The following FAT4 variants were observed in gnomAD, a reference collection of about 807,000 sequenced individuals.
FAT4 encodes the protein FAT atypical cadherin 4.
FAT4 carries 84 observed loss-of-function variants against 303.9 expected under a neutral mutation model. The ratio of observed to expected loss-of-function variants is 0.28; its 90% CI spans 0.23 to 0.33. FAT4 has a LOEUF of 0.33. Among genes scored for constraint, FAT4 ranks in the 10% least tolerant of loss-of-function variants. FAT4 has a pLI of 1.00. For synonymous variants in FAT4, 2,307 were observed against 2,298.8 expected, an observed-to-expected ratio of 1.00 and a Z score of -0.10; for missense variants, 6,005 against 6,146.8, an observed-to-expected ratio of 0.98 and a Z score of 0.77.
chr4:125,370,991 C>CA (rs1733086122), intron 2 of FAT4, among the ~76,000 whole-genome samples: 1 of 151,542 alleles, frequency 6.6e-6, no homozygotes, highest in Non-Finnish European at 1.5e-5. Flanking sequence ...ACTAAAACTA[C>CA]AAAAAAATTA....
At chr4:125,485,150 G>T (rs4519805) in intron 16 of FAT4, among the ~76,000 whole-genome samples, 3,483 of 152,212 alleles carry the variant, frequency 0.023, 136 homozygotes, top group African/African-American at 0.081. Context: ...CAATGTGAAG[G>T]CCTAAGACAT....
At chr4:125,415,894 C>A in intron 6 of FAT4, 88 bp downstream of exon 6, 1 of 949,866 alleles carries the variant, frequency 1.1e-6, no homozygotes, top group East Asian at 2.6e-5. Context: ...TTACGCTTCC[C>A]CTGTTCTCTC....
rs558567688 is a variant in FAT4 at position 125,348,086 on chromosome 4, C to A, written c.5175+26500C>A. Among the ~76,000 whole-genome samples the A allele has an allele frequency of 4.6e-5, 7 of 151,886 alleles. No individual in the cohort carries two copies. In the East Asian group the frequency reaches 1.4e-3, roughly 29 times the overall value. On this transcript the variant is annotated intron_variant, in intron 2 of 17. Coordinates refer to ENST00000394329, the MANE Select transcript of FAT4 (RefSeq NM_001291303.3). ...TCAGTCCCTGAACTAGCTCATGATG[C>A]TGTAAAAGTTGCACAATATTTCTGA...
intron 2 of FAT4, among the ~76,000 whole-genome samples, chr4:125,352,635 G>A (rs1732270294): frequency 6.6e-6 from 1 of 151,658 alleles, no homozygotes; most frequent in African/African-American, 2.4e-5. Flanking sequence ...ATCACAATGA[G>A]GACATTTAAA....
chr4:125,477,544 C>CAT lies in FAT4; in HGVS notation c.12479+229_12479+230dup, dbSNP rs34261234. 1.5e-3 allele frequency: 534 copies of CAT among 353,468 alleles called. 2 individuals carry two copies. The highest frequency in any genetic ancestry group is 7.6e-3 in the African/African-American group (346 of 45,372). The allele number at this position is 353,468 out of a possible 1,614,324, so 21.9% of individuals were successfully genotyped here. A position where few individuals can be genotyped will look rare whatever the true frequency, so the allele number is the denominator to read the frequency against. On this transcript the variant is annotated intron_variant, in intron 14 of 17. Transcript: ENST00000394329. ...ATTAATATGTTTCTAGATTCTTATA[C>CAT]ATATATATATATATATATATGCATG...
chr4:125,485,409 T>G (rs751221329), intron 16 of FAT4, among the ~76,000 whole-genome samples: 2 of 152,166 alleles, frequency 1.3e-5, no homozygotes, highest in Admixed American at 6.5e-5. Flanking sequence ...TTTAAAAGTT[T>G]TTTATTTCAT....
chr4:125,464,991 T>A, intron 11 of FAT4, among the ~76,000 whole-genome samples: 1 of 152,236 alleles, frequency 6.6e-6, no homozygotes, highest in African/African-American at 2.4e-5. Context: ...TAGGTATTTT[T>A]AATTTCCAAA....
At chr4:125,436,232 AAG>A (rs1725448265) in intron 8 of FAT4, among the ~76,000 whole-genome samples, 1 of 152,260 alleles carries the variant, frequency 6.6e-6, no homozygotes, top group South Asian at 2.1e-4. Context: ...GATCAAATGA[AAG>A]AGAGAAATCA....
chr4:125,491,744 T>C lies in FAT4; in HGVS notation c.14928T>C (p.Asp4976=), dbSNP rs1393615760. 6.2e-7 allele frequency: 1 copy of C among 1,613,032 alleles called. No homozygotes were observed. The highest frequency in any genetic ancestry group is 1.3e-5 in the African/African-American group (1 of 74,844). ...GGACAACTAAACCAGTCCCCAAAGA[T>C]GGGGAAGCAGAACAGTATGTGTGAA... is the stretch of plus-strand genomic sequence containing the variant. ...KAGTTKPVPK[D]GEAEQYV The change falls in exon 18 of 18, where the codon GAT becomes GAC. Residue 4976 remains aspartate (D), a synonymous_variant. Transcript: ENST00000394329.
chr4:125,460,948 G>A (rs1448757844), intron 10 of FAT4, among the ~76,000 whole-genome samples: 1 of 151,964 alleles, frequency 6.6e-6, no homozygotes, highest in Non-Finnish European at 1.5e-5. Context: ...GGTTGAATTT[G>A]TTTTTTCTTA....
rs1185613738 is a variant in FAT4 at position 125,317,918 on chromosome 4, G to C, written c.1507G>C (p.Asp503His). Residue 503 changes from aspartate to histidine, a missense_variant, in exon 2 of 18, where the codon GAC becomes CAC. Transcript: ENST00000394329. This position sits in a 1 kb window ranked among gnomAD's most constrained non-coding sequence, Gnocchi z 7.0. ...GAGTGGGATATCTGCCACTGATGGC[G>C]ACTCTGGTCTCAATGCTAATCTGCG... ...YVSGISATDGDSGLNANLRYS... is the reference protein window; with the variant it reads ...YVSGISATDGHSGLNANLRYS... 1 of 1,614,164 alleles carries C rather than the reference G, an allele frequency of 6.2e-7. No homozygotes were observed. The highest frequency in any genetic ancestry group is 1.7e-5 in the Admixed American group (1 of 60,026).
In FAT4 at chr4:125,319,375, T is replaced by G; in HGVS notation, c.2964T>G (p.Asp988Glu). ...TCATCTTAACAGTTTATGTCCATGA[T>G]GTAAATGACAATTCACCAGTGTTTG... ...SSVILTVYVH[D>E]VNDNSPVFDQ... Residue 988 changes from aspartate (D) to glutamate (E), a missense_variant, in exon 2 of 18, where the codon GAT becomes GAG. By Grantham distance (45) the Asp-to-Glu change is conservative. Coordinates refer to ENST00000394329, the MANE Select transcript of FAT4 (RefSeq NM_001291303.3). The G allele has an allele frequency of 6.2e-7, 1 of 1,612,766 alleles. No individual in the cohort carries two copies. Among genetic ancestry groups the G allele is most frequent in the Non-Finnish European group, 8.5e-7 (1 of 1,179,216 alleles).
At position 125,318,737 on chromosome 4, in the gene FAT4, C is replaced by A; in HGVS notation, c.2326C>A (p.Gln776Lys). ...TDGGNLQSPNQAIVTITVLDT... is the reference protein window; with the variant it reads ...TDGGNLQSPNKAIVTITVLDT... ...TGGTGGCAATTTACAATCTCCCAACCAGGCAATAGTAACCATCACTGTATT... is the reference window on the plus strand; with the variant it reads ...TGGTGGCAATTTACAATCTCCCAACAAGGCAATAGTAACCATCACTGTATT... Residue 776 changes from glutamine (Q) to lysine (K), a missense_variant, in exon 2 of 18, where the codon CAG becomes AAG. By Grantham distance (53) the Gln-to-Lys change is moderately conservative. Coordinates refer to ENST00000394329, the MANE Select transcript of FAT4 (RefSeq NM_001291303.3). 1.2e-6 allele frequency: 2 copies of A among 1,613,924 alleles called. No individual in the cohort carries two copies. Among genetic ancestry groups the A allele is most frequent in the Non-Finnish European group, 1.7e-6 (2 of 1,179,882 alleles).
chr4:125,489,593 A>T (rs184565035), intron 17 of FAT4, among the ~76,000 whole-genome samples: 6 of 152,292 alleles, frequency 3.9e-5, no homozygotes, highest in Admixed American at 3.9e-4. Flanking sequence ...GGAAATTGAT[A>T]AATAAATGAG....
intron 2 of FAT4, among the ~76,000 whole-genome samples, chr4:125,382,020 G>A (rs1478067939): frequency 6.6e-6 from 1 of 152,044 alleles, no homozygotes; most frequent in East Asian, 1.9e-4. Context: ...CACATCTTTT[G>A]GCTCTACTTC....
chr4:125,446,189 T>C, intron 8 of FAT4, 104 bp from the exon 9 acceptor site: 1 of 939,422 alleles, frequency 1.1e-6, no homozygotes, highest in South Asian at 1.8e-5. Flanking sequence ...TGATCTTTCT[T>C]GTAACGTTTT....
chr4:125,368,064 T>G (rs1732954095), intron 2 of FAT4, among the ~76,000 whole-genome samples: 1 of 152,122 alleles, frequency 6.6e-6, no homozygotes, highest in South Asian at 2.1e-4. Flanking sequence ...TTGTTACTAG[T>G]TTGGAAATTA....
intron 2 of FAT4, among the ~76,000 whole-genome samples, chr4:125,389,712 C>A (rs1169784040): frequency 6.6e-6 from 1 of 152,106 alleles, no homozygotes; most frequent in East Asian, 1.9e-4. Context: ...CAATTTCAAA[C>A]TTTCAGTAAT....
intron 10 of FAT4, among the ~76,000 whole-genome samples, chr4:125,457,890 G>T (rs1726340350): frequency 6.6e-6 from 1 of 152,076 alleles, no homozygotes; most frequent in East Asian, 1.9e-4. Context: ...ATATACAAAT[G>T]AAAATGTCTT....
Sources: allele counts gnomAD v4.1 joint callset (sites outside exome capture counted in the v4.1 genomes callset), GRCh38; gene constraint gnomAD v4.1.1; non-coding constraint Gnocchi (gnomAD v3.1); transcripts MANE v1.5; gene names NCBI Gene and HGNC (gene_info 2026-07-23, HGNC 2026-07-21).